The following CAST variants were observed in gnomAD, a reference collection of about 807,000 sequenced individuals.
CAST encodes the protein MIR583 host.
In CAST, 76 loss-of-function variants were observed where a neutral mutation model predicts 119.6. The observed-to-expected ratio is 0.64, with a 90% CI of 0.53 to 0.77. CAST has a LOEUF of 0.77. CAST is among the 30% of genes least tolerant of loss of function. The pLI is 0.00. For missense variants in CAST, 953 were observed against 946.5 expected (o/e 1.01, Z -0.09); for synonymous variants, 319 against 331.6 (o/e 0.96, Z 0.41).
chr5:96,535,784 A>C (rs1042965553), intron 1 of CAST, among the ~76,000 whole-genome samples: 1 of 150,966 alleles, frequency 6.6e-6, no homozygotes, highest in African/African-American at 2.4e-5. Flanking sequence ...CGTGTTAGCC[A>C]GGTTGGTCTC....
the CAST span, among the ~76,000 whole-genome samples, chr5:96,021,756 T>A: frequency 6.6e-6 from 1 of 152,226 alleles, no homozygotes; most frequent in African/African-American, 2.4e-5. Context: ...GATCAGCATT[T>A]TCCATTTTCA....
the CAST span, among the ~76,000 whole-genome samples, chr5:96,112,862 G>A: frequency 6.6e-6 from 1 of 152,202 alleles, no homozygotes; most frequent in Non-Finnish European, 1.5e-5. Context: ...TCATGCGGCT[G>A]ACTGGGAACT....
chr5:96,088,310 C>G, the CAST span, among the ~76,000 whole-genome samples: 1 of 152,194 alleles, frequency 6.6e-6, no homozygotes, highest in South Asian at 2.1e-4. Context: ...ACCCTCGATG[C>G]CCATCTAAGC....
At chr5:95,965,042 G>T in the CAST span, 1 of 151,632 alleles carries the variant, frequency 6.6e-6, no homozygotes, top group Non-Finnish European at 1.5e-5. Context: ...CACATCTTTG[G>T]TACAGAGGTC....
the CAST span, among the ~76,000 whole-genome samples, chr5:96,462,273 A>T: frequency 6.6e-6 from 1 of 152,114 alleles, no homozygotes; most frequent in Non-Finnish European, 1.5e-5. Flanking sequence ...TTTGTCTACT[A>T]TCACTTCTTT....
At chr5:96,440,327 C>T in the CAST span, among the ~76,000 whole-genome samples, 1 of 152,112 alleles carries the variant, frequency 6.6e-6, no homozygotes, top group Non-Finnish European at 1.5e-5. Flanking sequence ...GCATCCGTGT[C>T]TCTAGCTCTT....
At chr5:96,085,115 C>T in the CAST span, among the ~76,000 whole-genome samples, 4 of 152,154 alleles carry the variant, frequency 2.6e-5, no homozygotes, top group African/African-American at 9.7e-5. Flanking sequence ...GAAGTCATCT[C>T]CTGATTCTAA....
chr5:96,655,259 G>A (rs775634187), intron 1 of CAST, among the ~76,000 whole-genome samples: 21 of 152,206 alleles, frequency 1.4e-4, no homozygotes, highest in East Asian at 5.8e-4. Flanking sequence ...GATGTCTCTC[G>A]GAAGAACAGC....
the CAST span, among the ~76,000 whole-genome samples, chr5:96,212,880 G>T: frequency 6.6e-6 from 1 of 152,128 alleles, no homozygotes; most frequent in Non-Finnish European, 1.5e-5. Context: ...TGCTTTTGGA[G>T]GCCAAGGTAG....
chr5:96,353,121 A>T, the CAST span, among the ~76,000 whole-genome samples: 2 of 73,442 alleles, frequency 2.7e-5, no homozygotes, highest in Admixed American at 4.0e-4. Flanking sequence ...ACTGATTGAT[A>T]AAAAAAAACA....
chr5:96,125,759 T>C, the CAST span, among the ~76,000 whole-genome samples: 1 of 152,142 alleles, frequency 6.6e-6, no homozygotes, highest in African/African-American at 2.4e-5. Context: ...AGCCATCTGC[T>C]CAACTTTTCC....
chr5:96,329,129 G>A, the CAST span, among the ~76,000 whole-genome samples: 1 of 152,034 alleles, frequency 6.6e-6, no homozygotes, highest in East Asian at 1.9e-4. Flanking sequence ...TAATGCTTGT[G>A]GATTCATTGA....
At chr5:96,350,933 A>G in the CAST span, among the ~76,000 whole-genome samples, 13 of 152,098 alleles carry the variant, frequency 8.5e-5, no homozygotes, top group African/African-American at 3.1e-4. Flanking sequence ...TCAGACCTTC[A>G]TTATAAGTGA....
At chr5:96,466,748 C>T in the CAST span, among the ~76,000 whole-genome samples, 1 of 152,206 alleles carries the variant, frequency 6.6e-6, no homozygotes, top group East Asian at 1.9e-4. Flanking sequence ...TATCCAACTA[C>T]TCTTCTTTAT....
the CAST span, among the ~76,000 whole-genome samples, chr5:96,237,040 C>A: frequency 6.6e-6 from 1 of 152,186 alleles, no homozygotes; most frequent in African/African-American, 2.4e-5. Flanking sequence ...GTTGTGTCAG[C>A]ATTTCTCAAA....
chr5:96,500,110 A>G, the CAST span, among the ~76,000 whole-genome samples: 23 of 152,214 alleles, frequency 1.5e-4, no homozygotes, highest in Admixed American at 1.4e-3. Context: ...CAATAGTAGC[A>G]TCAAAGATCA....
the CAST span, among the ~76,000 whole-genome samples, chr5:96,051,594 A>T: frequency 6.6e-6 from 1 of 152,098 alleles, no homozygotes; most frequent in Admixed American, 6.5e-5. Context: ...GGGCACTTTG[A>T]ACTGGCCTGG....
At chr5:96,440,189 T>G in the CAST span, among the ~76,000 whole-genome samples, 2 of 138,756 alleles carry the variant, frequency 1.4e-5, no homozygotes, top group African/African-American at 5.5e-5. Flanking sequence ...TTTTTTTTTT[T>G]CTTATAATGG....
chr5:96,632,556 G>A (rs970253528), intron 1 of CAST, among the ~76,000 whole-genome samples: 7 of 151,738 alleles, frequency 4.6e-5, no homozygotes, highest in South Asian at 2.1e-4. Context: ...ATATTTCTTC[G>A]AAGAGTTTTA....
Sources: gnomAD v4.1 joint callset for allele counts (sites outside exome capture counted in the v4.1 genomes callset) on GRCh38, gnomAD v4.1.1 for gene constraint, MANE v1.5 for transcripts, NCBI Gene and HGNC (gene_info 2026-07-23, HGNC 2026-07-21) for gene names.